Variants in CDHR2 observed in about 807,000 individuals in gnomAD.
CDHR2 encodes the protein cadherin related family member 2.
A neutral mutation model predicts 138.6 loss-of-function variants in CDHR2; 104 were observed. The observed-to-expected ratio is 0.75, with a 90% confidence interval of 0.64 to 0.88. The LOEUF is 0.88. Among genes scored for constraint, CDHR2 ranks in the 40% least tolerant of loss-of-function variants. CDHR2 has a pLI of 0.00. For missense variants in CDHR2, 1,624 were observed against 1,727.6 expected (o/e 0.94, Z 1.06); for synonymous variants, 755 against 742.8 (o/e 1.02, Z -0.27).
intron 31 of CDHR2, among the ~76,000 whole-genome samples, chr5:176,593,227 C>T (rs1416854375): frequency 2.0e-5 from 3 of 151,924 alleles, no homozygotes; most frequent in African/African-American, 7.3e-5. Context: ...AACAGTACCG[C>T]CATCTGTTAA....
chr5:176,581,603 G>A lies in CDHR2; in HGVS notation c.2058+21G>A, dbSNP rs752386342. ...TGGAGGTAAGGCCTCGCTTAGCCAG[G>A]ATGGGCCTGGGGGCCTCCCAAGCCG... On this transcript the variant is annotated intron_variant, in intron 17 of 31. Coordinates refer to ENST00000261944, the MANE Select transcript of CDHR2 (RefSeq NM_017675.6). 5 of 1,606,982 alleles carry A rather than the reference G, an allele frequency of 3.1e-6. No homozygotes were observed. The South Asian group carries it at 5.5e-5, about 18-fold the overall frequency.
chr5:176,581,395 T>G lies in CDHR2; in HGVS notation c.1871T>G (p.Leu624Arg). 6.2e-7 allele frequency: 1 copy of G among 1,614,100 alleles called. No individual in the cohort carries two copies. Among genetic ancestry groups the G allele is most frequent in the Non-Finnish European group, 8.5e-7 (1 of 1,180,022 alleles). ...AACAACAGCCGTCTGCTCTTCAACC[T>G]GCTGCCTGGCCCCTACAGCCACAAC... ...GTNNSRLLFN[L>R]LPGPYSHNFS... Residue 624 changes from leucine to arginine, a missense_variant, in exon 17 of 32, where the codon CTG (leucine) becomes CGG (arginine). Leu to Arg is a moderately radical substitution (Grantham distance 102, BLOSUM62 -2). Coordinates refer to ENST00000261944, the MANE Select transcript of CDHR2 (RefSeq NM_017675.6).
At chr5:176,560,397 A>C (rs1329383866) in intron 1 of CDHR2, among the ~76,000 whole-genome samples, 1 of 151,810 alleles carries the variant, frequency 6.6e-6, no homozygotes, top group African/African-American at 2.4e-5. Context: ...ACTCTGTCTC[A>C]ATAAATAAAT....
At chr5:176,590,751 G>T in intron 28 of CDHR2, 64 bp downstream of exon 28, 1 of 1,604,952 alleles carries the variant, frequency 6.2e-7, no homozygotes, top group Non-Finnish European at 8.5e-7. Context: ...AGACGTCGGG[G>T]GGTAGGGGTA....
chr5:176,569,849 A>G (rs1240531607), intron 5 of CDHR2, among the ~76,000 whole-genome samples: 1 of 151,678 alleles, frequency 6.6e-6, no homozygotes. Flanking sequence ...AATTCCAACT[A>G]CTCAGGAGGC....
intron 20 of CDHR2, 149 bp from the exon 21 acceptor site, chr5:176,586,644 C>A: frequency 1.5e-6 from 1 of 653,892 alleles, no homozygotes; most frequent in Non-Finnish European, 2.7e-6. Flanking sequence ...TAACTACTGG[C>A]CCAGTGGTGG....
At position 176,586,773 on chromosome 5, in the gene CDHR2, G is replaced by A. The variant is rs569958411; in HGVS notation, c.2807-20G>A. ...GCAGTGTCCCGACCCCGCTGACCCC[G>A]TTCCCGTTCACACCTGCAGTGATCA... On this transcript the variant is annotated intron_variant, in intron 20 of 31. Coordinates refer to ENST00000261944, the MANE Select transcript of CDHR2 (RefSeq NM_017675.6). 50 of 1,598,630 alleles carry A rather than the reference G, an allele frequency of 3.1e-5. No homozygotes were observed. The highest frequency in any genetic ancestry group is 3.8e-5 in the Non-Finnish European group (44 of 1,172,094).
At chr5:176,546,928 G>A (rs954429326), upstream of CDHR2, among the ~76,000 whole-genome samples, 2 of 151,360 alleles carry the variant, frequency 1.3e-5, no homozygotes, top group African/African-American at 4.8e-5. Context: ...TCAAAACTCA[G>A]AACTGCATCA....
Position 176,589,077 on chromosome 5 carries a change from T to C in CDHR2, c.2903T>C (p.Ile968Thr). 1.9e-6 allele frequency: 3 copies of C among 1,614,104 alleles called. No individual in the cohort carries two copies. The highest frequency in any genetic ancestry group is 2.5e-6 in the Non-Finnish European group (3 of 1,179,996). The change falls in exon 22 of 32, where the codon ATC becomes ACC. Residue 968 changes from isoleucine (I) to threonine (T), a missense_variant. Coordinates refer to ENST00000261944, the MANE Select transcript of CDHR2 (RefSeq NM_017675.6). The stretch of plus-strand genomic sequence containing the variant: ...AACAATGGCGTCATCCTGTTCTCCA[T>C]CCTCCGAGTAGACTTCATCTCTAAG... ...SGNNGVILFS[I>T]LRVDFISKDG...
intron 2 of CDHR2, 114 bp downstream of exon 2, chr5:176,565,518 T>A (rs4523018): frequency 0.41 from 518,459 of 1,273,766 alleles, 114,231 homozygotes; most frequent in Non-Finnish European, 0.46. Context: ...GGGCCAGCCC[T>A]GTGCTTGGCT....
chr5:176,593,132 A>G (rs1162273075), intron 31 of CDHR2, among the ~76,000 whole-genome samples: 1 of 152,248 alleles, frequency 6.6e-6, no homozygotes, highest in African/African-American at 2.4e-5. Context: ...TGGCCGTTAT[A>G]GGAAAGCCAG....
chr5:176,589,001 C>T (rs775400161), intron 21 of CDHR2, 30 bp from the exon 22 acceptor site: 3 of 1,609,700 alleles, frequency 1.9e-6, no homozygotes, highest in Admixed American at 3.3e-5. Context: ...CCTGGCTGGG[C>T]CCCCAGATAT....
At chr5:176,566,895 GA>G (rs1758096161) in intron 3 of CDHR2, 1 of 455,536 alleles carries the variant, frequency 2.2e-6, no homozygotes, top group Non-Finnish European at 4.4e-6. Context: ...ATTGTTCTCA[GA>G]AAAGGGGGAC....
rs1231998013 is a variant in CDHR2 at position 176,553,106 on chromosome 5, G to C, written c.-16+3692G>C. 6.6e-6 allele frequency among the ~76,000 whole-genome samples: 1 copy of C among 152,144 alleles called. No individual in the cohort carries two copies. The stretch of plus-strand genomic sequence containing the variant: ...GAGAAGCGTGGCGTGTATGGGGAAG[G>C]GGCTGTAGGGGGAGGCGCCTCGGGG... On this transcript the variant is annotated intron_variant, in intron 1 of 31. Coordinates refer to ENST00000261944, the MANE Select transcript of CDHR2 (RefSeq NM_017675.6). This position sits in a 1 kb window ranked among gnomAD's most constrained non-coding sequence, Gnocchi z 4.3.
At chr5:176,588,096 C>A (rs528440973) in intron 21 of CDHR2, among the ~76,000 whole-genome samples, 1 of 152,308 alleles carries the variant, frequency 6.6e-6, no homozygotes, top group South Asian at 2.1e-4. Flanking sequence ...GTCCCCTCCC[C>A]AACCAGCTTC....
chr5:176,583,876 C>T (rs1016821047), intron 17 of CDHR2, among the ~76,000 whole-genome samples: 2 of 152,038 alleles, frequency 1.3e-5, no homozygotes, highest in South Asian at 2.1e-4. Context: ...CAGGTGGGGA[C>T]CCAGAACTGT....
intron 6 of CDHR2, among the ~76,000 whole-genome samples, chr5:176,571,521 G>GC (rs1758229375): frequency 7.4e-6 from 1 of 135,904 alleles, no homozygotes; most frequent in African/African-American, 2.9e-5. Flanking sequence ...AGTGATGAAA[G>GC]CAAAAAAAAA....
Position 176,563,046 on chromosome 5 carries a change from C to T in CDHR2, c.-15-2292C>T, listed in dbSNP as rs141189815. Among the ~76,000 whole-genome samples the T allele has an allele frequency of 5.4e-3, 827 of 152,240 alleles. 2 individuals are homozygous for T. Among genetic ancestry groups the T allele is most frequent in the Non-Finnish European group, 8.3e-3 (564 of 68,018 alleles). The stretch of plus-strand genomic sequence containing the variant: ...AAGTTACTGAAATCAGTCTCTTGTC[C>T]AGTCAAGGCTGTGGTTATGGGCTGG... On this transcript the variant is annotated intron_variant, in intron 1 of 31. Coordinates refer to ENST00000261944, the MANE Select transcript of CDHR2 (RefSeq NM_017675.6).
rs139767122 is a variant in CDHR2 at position 176,553,725 on chromosome 5, G to A, written c.-16+4311G>A. Among the ~76,000 whole-genome samples the A allele has an allele frequency of 6.8e-3, 970 of 141,978 alleles. 9 individuals are homozygous for A. Among genetic ancestry groups the A allele is most frequent in the African/African-American group, 0.019 (755 of 39,746 alleles). 93.1% of individuals were successfully genotyped at this position (141,978 alleles called of 152,430 possible). On this transcript the variant is annotated intron_variant, in intron 1 of 31. Transcript: ENST00000261944. The surrounding 1 kb of genome is among the most constrained non-coding windows in gnomAD (Gnocchi z 4.3). ...CACCTGCGTCTCCACCGCCAGCCCC[G>A]CCACCACCACCATCTCCCTCCCCCA...
Sources: gnomAD v4.1 joint callset for allele counts (sites outside exome capture counted in the v4.1 genomes callset) on GRCh38, gnomAD v4.1.1 for gene constraint, Gnocchi (gnomAD v3.1) non-coding constraint, MANE v1.5 for transcripts, NCBI Gene and HGNC (gene_info 2026-07-23, HGNC 2026-07-21) for gene names.